The following SLC15A1 variants were observed in gnomAD, a reference collection of about 807,000 sequenced individuals.
SLC15A1 encodes the protein Caco-2 oligopeptide transporter.
A neutral mutation model predicts 92.9 loss-of-function variants in SLC15A1; 83 were observed. The ratio of observed to expected loss-of-function variants is 0.89; its 90% confidence interval spans 0.75 to 1.07. The LOEUF is 1.07. Among genes scored for constraint, SLC15A1 ranks in the 50% least tolerant of loss-of-function variants. The pLI is 0.00. For synonymous variants in SLC15A1, 322 were observed against 318.2 expected, an observed-to-expected ratio of 1.01 and a Z score of -0.13; for missense variants, 857 against 880.1, an observed-to-expected ratio of 0.97 and a Z score of 0.33.
At chr13:98,688,812 A>G (rs150399606) in intron 18 of SLC15A1, among the ~76,000 whole-genome samples, 5 of 152,360 alleles carry the variant, frequency 3.3e-5, no homozygotes, top group African/African-American at 1.2e-4. Flanking sequence ...TGTGCTGGTT[A>G]CTGCTCTAAG....
chr13:98,725,889 C>T (rs2088294562), intron 4 of SLC15A1, among the ~76,000 whole-genome samples: 1 of 152,080 alleles, frequency 6.6e-6, no homozygotes, highest in African/African-American at 2.4e-5. Context: ...CTATGCCTTG[C>T]TAATTTCTTT....
At chr13:98,695,604 G>T (rs1234202582) in intron 18 of SLC15A1, among the ~76,000 whole-genome samples, 1 of 151,984 alleles carries the variant, frequency 6.6e-6, no homozygotes, top group East Asian at 1.9e-4. Context: ...TGTTGGCCAG[G>T]CTGGTCTCAA....
intron 21 of SLC15A1, 46 bp downstream of exon 21, chr13:98,687,535 A>T: frequency 6.3e-7 from 1 of 1,586,998 alleles, no homozygotes; most frequent in Non-Finnish European, 8.6e-7. Flanking sequence ...CATTTTCTGC[A>T]GGCAGGGGTA....
At chr13:98,720,492 C>T (rs2088248267) in intron 7 of SLC15A1, 1 of 152,456 alleles carries the variant, frequency 6.6e-6, no homozygotes, top group African/African-American at 2.4e-5. Flanking sequence ...AATTGTCTGT[C>T]ATCTTCAAAC....
At chr13:98,722,026 C>T (rs1016360293) in intron 5 of SLC15A1, 123 bp from the exon 6 acceptor site, 30 of 704,466 alleles carry the variant, frequency 4.3e-5, no homozygotes, top group Middle Eastern at 3.1e-4. Context: ...GACAATCTCG[C>T]GAGAAGCCAG....
chr13:98,732,683 G>A (rs2088360580), intron 1 of SLC15A1, among the ~76,000 whole-genome samples: 1 of 152,162 alleles, frequency 6.6e-6, no homozygotes, highest in South Asian at 2.1e-4. Flanking sequence ...TCTAGGAGTT[G>A]GACTTCGGAA....
chr13:98,695,379 G>A (rs1184899337), intron 18 of SLC15A1, among the ~76,000 whole-genome samples: 1 of 151,968 alleles, frequency 6.6e-6, no homozygotes, highest in African/African-American at 2.4e-5. Flanking sequence ...GCACTGCTAT[G>A]CCAGACCCAG....
chr13:98,741,840 G>A (rs1222787632), intron 1 of SLC15A1, among the ~76,000 whole-genome samples: 3 of 152,160 alleles, frequency 2.0e-5, no homozygotes, highest in African/African-American at 7.2e-5. Flanking sequence ...AGAACATGCT[G>A]ATGTGTGGTT....
chr13:98,701,480 GA>G (rs962188871), intron 18 of SLC15A1, among the ~76,000 whole-genome samples: 12 of 151,466 alleles, frequency 7.9e-5, no homozygotes, highest in African/African-American at 2.9e-4. Flanking sequence ...CTATAAAGTA[GA>G]AATTTATTTA....
chr13:98,699,813 G>A (rs2088053259), intron 18 of SLC15A1, among the ~76,000 whole-genome samples: 2 of 152,212 alleles, frequency 1.3e-5, no homozygotes, highest in African/African-American at 4.8e-5. Context: ...ACAGCCACCT[G>A]ATAGGTGTGT....
chr13:98,697,513 T>C (rs2088032876), intron 18 of SLC15A1, among the ~76,000 whole-genome samples: 2 of 151,656 alleles, frequency 1.3e-5, no homozygotes, highest in African/African-American at 4.8e-5. Context: ...ATTATAGCCA[T>C]GTTTAGTTAC....
At chr13:98,731,836 A>G (rs1408072330) in intron 1 of SLC15A1, among the ~76,000 whole-genome samples, 1 of 152,248 alleles carries the variant, frequency 6.6e-6, no homozygotes, top group Non-Finnish European at 1.5e-5. Flanking sequence ...CTTAACAATC[A>G]TTATACACCT....
chr13:98,745,034 C>A (rs1159688341), intron 1 of SLC15A1, among the ~76,000 whole-genome samples: 3 of 152,106 alleles, frequency 2.0e-5, no homozygotes. Flanking sequence ...TGAAACACTG[C>A]ACATGAAGAC....
At chr13:98,744,426 A>G (rs1566460747) in intron 1 of SLC15A1, among the ~76,000 whole-genome samples, 5 of 151,830 alleles carry the variant, frequency 3.3e-5, no homozygotes, top group Admixed American at 1.3e-4. Context: ...ATAAAACAGA[A>G]TGCAAGTTTT....
At chr13:98,712,810 C>T (rs1433376421) in intron 9 of SLC15A1, among the ~76,000 whole-genome samples, 1 of 152,182 alleles carries the variant, frequency 6.6e-6, no homozygotes, top group African/African-American at 2.4e-5. Context: ...CTTTACTCTC[C>T]AGATCCTCTA....
At chr13:98,737,783 T>G (rs1296641518) in intron 1 of SLC15A1, among the ~76,000 whole-genome samples, 2 of 152,096 alleles carry the variant, frequency 1.3e-5, no homozygotes, top group African/African-American at 2.4e-5. Context: ...TACCTGAAAA[T>G]GTAGAAGAGC....
At chr13:98,745,662 C>T (rs1474195918) in intron 1 of SLC15A1, among the ~76,000 whole-genome samples, 2 of 152,182 alleles carry the variant, frequency 1.3e-5, no homozygotes, top group Non-Finnish European at 2.9e-5. Context: ...CCTGGATCGG[C>T]TTCACCCCCA....
At chr13:98,685,061 A>T (rs2087919686) in intron 22 of SLC15A1, 146 bp from the exon 23 acceptor site, 1 of 708,452 alleles carries the variant, frequency 1.4e-6, no homozygotes, top group Non-Finnish European at 2.3e-6. Flanking sequence ...AGCAACCAAT[A>T]CAGATACAGT....
chr13:98,692,800 C>T (rs562625414), intron 18 of SLC15A1, among the ~76,000 whole-genome samples: 31 of 152,304 alleles, frequency 2.0e-4, no homozygotes, highest in Middle Eastern at 3.4e-3. Context: ...GGCTGCAGTG[C>T]AGTGGCACCA....
Sources: allele counts gnomAD v4.1 joint callset (sites outside exome capture counted in the v4.1 genomes callset), GRCh38; gene constraint gnomAD v4.1.1; transcripts MANE v1.5; gene names NCBI Gene and HGNC (gene_info 2026-07-23, HGNC 2026-07-21).